The following GMDS variants were observed in gnomAD, a reference collection of about 807,000 sequenced individuals.
GMDS encodes GDP-mannose 4,6 dehydratase.
A neutral mutation model predicts 49.9 loss-of-function variants in GMDS; 20 were observed. The observed-to-expected ratio is 0.40, with a 90% CI of 0.28 to 0.58. The LOEUF is 0.58. GMDS is among the 20% of genes least tolerant of loss of function. The probability of loss-of-function intolerance (pLI) is 0.42; values close to 1 mark genes in which losing one functional copy is unlikely to be tolerated. For missense variants in GMDS, 362 were observed against 481.4 expected (o/e 0.75, Z 2.32); for synonymous variants, 177 against 178.6 (o/e 0.99, Z 0.07).
chr6:1,688,043 G>A (rs1053635828), intron 9 of GMDS, among the ~76,000 whole-genome samples: 1 of 152,226 alleles, frequency 6.6e-6, no homozygotes, highest in Non-Finnish European at 1.5e-5. Flanking sequence ...AATGGAGGCC[G>A]TGAGGCTCTT....
At chr6:1,704,912 A>T (rs1765679430) in intron 9 of GMDS, among the ~76,000 whole-genome samples, 1 of 152,178 alleles carries the variant, frequency 6.6e-6, no homozygotes, top group African/African-American at 2.4e-5. Flanking sequence ...CTTCCTAAAA[A>T]GTACCTTTGA....
At chr6:1,916,189 T>TTCTA (rs1761383287) in intron 7 of GMDS, among the ~76,000 whole-genome samples, 3 of 152,218 alleles carry the variant, frequency 2.0e-5, no homozygotes, top group Admixed American at 1.3e-4. Context: ...ACTGACAACA[T>TTCTA]GGCTGTAGGG....
chr6:1,929,444 T>G (rs1172523704), intron 7 of GMDS, among the ~76,000 whole-genome samples: 1 of 152,258 alleles, frequency 6.6e-6, no homozygotes, highest in Admixed American at 6.5e-5. Flanking sequence ...AGAAAAATCA[T>G]ACTACTTGCG....
At chr6:1,971,688 C>T (rs957257155) in intron 4 of GMDS, among the ~76,000 whole-genome samples, 10 of 152,152 alleles carry the variant, frequency 6.6e-5, no homozygotes, top group Admixed American at 2.0e-4. Flanking sequence ...TCTGTCTGTC[C>T]GTCCACTCTC....
intron 9 of GMDS, among the ~76,000 whole-genome samples, chr6:1,710,782 G>A (rs1765928882): frequency 6.6e-6 from 1 of 152,228 alleles, no homozygotes; most frequent in Non-Finnish European, 1.5e-5. Flanking sequence ...TGCAGGGCGG[G>A]GGTGTGAATG....
At chr6:2,217,072 G>A (rs186941325) in intron 1 of GMDS, among the ~76,000 whole-genome samples, 325 of 152,246 alleles carry the variant, frequency 2.1e-3, no homozygotes, top group African/African-American at 7.4e-3. Context: ...CGCTCAGCAC[G>A]TGGACTCGAG....
At chr6:1,641,942 C>T (rs1395319762) in intron 9 of GMDS, among the ~76,000 whole-genome samples, 1 of 152,116 alleles carries the variant, frequency 6.6e-6, no homozygotes, top group Non-Finnish European at 1.5e-5. Flanking sequence ...TGGAAGCACA[C>T]TAGGAAGTTC....
chr6:2,214,203 A>C (rs556212728), intron 1 of GMDS, among the ~76,000 whole-genome samples: 1 of 152,350 alleles, frequency 6.6e-6, no homozygotes, highest in South Asian at 2.1e-4. Flanking sequence ...ACTAAAAACA[A>C]AATTAGTCAC....
chr6:2,016,113 T>C (rs1767885349), intron 4 of GMDS, among the ~76,000 whole-genome samples: 1 of 146,568 alleles, frequency 6.8e-6, no homozygotes, highest in Admixed American at 6.8e-5. Context: ...AGAAAAATTA[T>C]CTGGGCATGG....
intron 7 of GMDS, among the ~76,000 whole-genome samples, chr6:1,850,319 G>C (rs1022562237): frequency 1.3e-5 from 2 of 152,174 alleles, no homozygotes; most frequent in African/African-American, 4.8e-5. Flanking sequence ...ATGGACCTAA[G>C]TGTCAAGATA....
At chr6:1,933,095 C>T (rs1018104499) in intron 6 of GMDS, among the ~76,000 whole-genome samples, 4 of 152,060 alleles carry the variant, frequency 2.6e-5, no homozygotes, top group Non-Finnish European at 1.5e-5. Context: ...TCTAGATTTG[C>T]CTATTCTGGA....
intron 4 of GMDS, among the ~76,000 whole-genome samples, chr6:2,093,515 G>A (rs1398985664): frequency 1.3e-5 from 2 of 151,934 alleles, no homozygotes; most frequent in African/African-American, 4.8e-5. Flanking sequence ...AGATAACCAG[G>A]GAGAGGATCC....
At position 1,624,274 on chromosome 6, in the gene GMDS, C is replaced by G. The variant is rs763519954; in HGVS notation, c.1057-43G>C. 1.6e-5 allele frequency: 25 copies of G among 1,581,674 alleles called. No individual in the cohort carries two copies. In the Middle Eastern group the frequency reaches 6.7e-4, roughly 42 times the overall value. On this transcript the variant is annotated intron_variant, in intron 10 of 10. Coordinates refer to ENST00000380815, the MANE Select transcript of GMDS (RefSeq NM_001500.4). ...GCGTGAGGGAGGAGCTTCTGCCACT[C>G]TCTCCTGGTGACACCCCACCCCGGG...
intron 1 of GMDS, among the ~76,000 whole-genome samples, chr6:2,188,113 C>A (rs1247649138): frequency 6.6e-6 from 1 of 152,126 alleles, no homozygotes; most frequent in Non-Finnish European, 1.5e-5. Flanking sequence ...TGCTGCATCA[C>A]TGGGGGCAAC....
chr6:1,943,447 G>A (rs1352685232), intron 6 of GMDS, among the ~76,000 whole-genome samples: 4 of 152,156 alleles, frequency 2.6e-5, no homozygotes, highest in Admixed American at 2.0e-4. Flanking sequence ...CTAGTGTCTC[G>A]CCAGTGTCTA....
intron 1 of GMDS, among the ~76,000 whole-genome samples, chr6:2,168,179 C>T (rs2127551955): frequency 6.6e-6 from 1 of 152,270 alleles, no homozygotes; most frequent in African/African-American, 2.4e-5. Flanking sequence ...CCCTTCCTTC[C>T]TCAGAAGGAA....
Position 1,858,564 on chromosome 6 carries a change from GGTT to G in GMDS, c.771+71536_771+71538del, listed in dbSNP as rs1446000301. Among the ~76,000 whole-genome samples, 5 of 151,680 alleles carry G rather than the reference GGTT, an allele frequency of 3.3e-5. No individual in the cohort carries two copies. The South Asian group carries it at 8.3e-4, about 25-fold the overall frequency. On this transcript the variant is annotated intron_variant, in intron 7 of 10. Coordinates refer to ENST00000380815, the MANE Select transcript of GMDS (RefSeq NM_001500.4). Reference sequence around the variant, plus strand: ...TTACTTATTTCCAATTACTTTCTTTGGTTGTTATTTTCACTGAGAAATGCACAC... The same window carrying G: ...TTACTTATTTCCAATTACTTTCTTTGGTTATTTTCACTGAGAAATGCACAC...
intron 1 of GMDS, among the ~76,000 whole-genome samples, chr6:2,204,082 G>T (rs987380532): frequency 6.6e-6 from 1 of 152,188 alleles, no homozygotes; most frequent in East Asian, 1.9e-4. Context: ...CATCCTAGTT[G>T]TCTTTATTTT....
At chr6:1,768,795 T>C (rs575990956) in intron 7 of GMDS, among the ~76,000 whole-genome samples, 2 of 152,384 alleles carry the variant, frequency 1.3e-5, no homozygotes, top group African/African-American at 4.8e-5. Context: ...TGCTTTGATT[T>C]AAACATGTTT....
Sources: allele counts gnomAD v4.1 joint callset (sites outside exome capture counted in the v4.1 genomes callset), GRCh38; gene constraint gnomAD v4.1.1; transcripts MANE v1.5; gene names NCBI Gene and HGNC (gene_info 2026-07-23, HGNC 2026-07-21).